The following EEPD1 variants were observed in gnomAD, a reference collection of about 807,000 sequenced individuals.
EEPD1 encodes endonuclease/exonuclease/phosphatase family domain containing 1.
EEPD1 carries 17 observed loss-of-function variants against 46.3 expected under a neutral mutation model. That is an observed-to-expected ratio of 0.37 (90% confidence interval 0.25 to 0.55). EEPD1 has a LOEUF of 0.55. EEPD1 is among the 20% of genes least tolerant of loss of function. EEPD1 has a pLI of 0.83. For missense variants in EEPD1, 673 were observed against 745.6 expected (o/e 0.90, Z 1.13); for synonymous variants, 313 against 315.6 (o/e 0.99, Z 0.09).
At chr7:36,288,467 G>A (rs536015489) in intron 6 of EEPD1, among the ~76,000 whole-genome samples, 5 of 152,254 alleles carry the variant, frequency 3.3e-5, no homozygotes, top group African/African-American at 1.2e-4. Context: ...ACACTGAAAA[G>A]AGCAGAATTC....
intron 2 of EEPD1, among the ~76,000 whole-genome samples, chr7:36,234,541 G>A (rs113987988): frequency 4.0e-5 from 6 of 151,884 alleles, no homozygotes; most frequent in East Asian, 1.9e-4. Flanking sequence ...GTGTGGTGGC[G>A]TGCGCCTGCA....
chr7:36,160,882 T>C (rs1784894012), intron 2 of EEPD1, among the ~76,000 whole-genome samples: 1 of 152,164 alleles, frequency 6.6e-6, no homozygotes, highest in Admixed American at 6.5e-5. Context: ...CTGAGGTTTC[T>C]ATGAGATAGG....
intron 3 of EEPD1, among the ~76,000 whole-genome samples, chr7:36,258,993 C>G (rs1281010191): frequency 1.3e-5 from 2 of 152,000 alleles, no homozygotes; most frequent in African/African-American, 4.8e-5. Flanking sequence ...AAGGGAATCT[C>G]CTGGTCTGTG....
chr7:36,280,147 G>A (rs371504801), intron 3 of EEPD1, among the ~76,000 whole-genome samples: 6 of 152,338 alleles, frequency 3.9e-5, no homozygotes, highest in South Asian at 4.1e-4. Context: ...ACCTGCTGCT[G>A]TGAGGGGCTA....
chr7:36,212,070 G>T (rs989495199), intron 2 of EEPD1, among the ~76,000 whole-genome samples: 2 of 152,102 alleles, frequency 1.3e-5, no homozygotes, highest in Non-Finnish European at 2.9e-5. Context: ...TAAAGGGAAG[G>T]TCATTTATAT....
rs1324187748 is a variant in EEPD1 at position 36,154,671 on chromosome 7, G to A, written c.347G>A (p.Arg116Gln). The change falls in exon 2 of 8, where the codon CGG (arginine) becomes CAG (glutamine). Residue 116 changes from arginine (R) to glutamine (Q), a missense_variant. By Grantham distance (43) the Arg-to-Gln change is conservative. Coordinates refer to ENST00000242108, the MANE Select transcript of EEPD1 (RefSeq NM_030636.3). This position sits in a 1 kb window ranked among gnomAD's most constrained non-coding sequence, Gnocchi z 4.2. ...CAGCACTCTCCCAGTTCCCTGCGGC[G>A]GGACCTGCTAGCGGAGCAGCAGCCT... ...SAQHSPSSLRRDLLAEQQPHH... is the reference protein window; with the variant it reads ...SAQHSPSSLRQDLLAEQQPHH... 3.7e-6 allele frequency: 6 copies of A among 1,613,530 alleles called. No individual in the cohort carries two copies. In the Admixed American group the frequency reaches 8.3e-5, roughly 22 times the overall value.
Position 36,239,047 on chromosome 7 carries a change from T to C in EEPD1, c.930+11T>C. The C allele has an allele frequency of 6.2e-7, 1 of 1,611,350 alleles. No homozygotes were observed. Among genetic ancestry groups the C allele is most frequent in the Non-Finnish European group, 8.5e-7 (1 of 1,179,416 alleles). ...GAGGCCTTGGAAAAGGTAAATATTTTACTCTTCCTTCCACATTCACAAACC... is the reference window on the plus strand; with the variant it reads ...GAGGCCTTGGAAAAGGTAAATATTTCACTCTTCCTTCCACATTCACAAACC... On this transcript the variant is annotated intron_variant, in intron 3 of 7. Transcript: ENST00000242108.
chr7:36,247,566 G>A (rs954340853), intron 3 of EEPD1, among the ~76,000 whole-genome samples: 1 of 152,190 alleles, frequency 6.6e-6, no homozygotes, highest in African/African-American at 2.4e-5. Context: ...AGAATCAAGG[G>A]AGACTTTTAA....
At chr7:36,270,342 A>T (rs1476450346) in intron 3 of EEPD1, among the ~76,000 whole-genome samples, 3 of 152,034 alleles carry the variant, frequency 2.0e-5, no homozygotes, top group Admixed American at 2.0e-4. Flanking sequence ...AAGTTCTGGG[A>T]TACATGTGCA....
intron 5 of EEPD1, among the ~76,000 whole-genome samples, chr7:36,287,236 C>CAA (rs377318198): frequency 0.12 from 5,130 of 42,188 alleles, 1,980 homozygotes; most frequent in Middle Eastern, 0.25. Context: ...GACTCCTTCT[C>CAA]AAAAAAAAAA....
chr7:36,300,442 A>C lies in EEPD1; in HGVS notation c.*1236A>C, dbSNP rs1392873417. On this transcript the variant is annotated 3_prime_UTR_variant, in exon 8 of 8. Coordinates refer to ENST00000242108, the MANE Select transcript of EEPD1 (RefSeq NM_030636.3). ...CACCACTGGGTAAATAGAGGGATGC[A>C]GACTCAGGTTTTGCTATGTGCTCAC... The C allele has an allele frequency of 1.3e-5, 2 of 152,286 alleles. No individual in the cohort carries two copies. Among genetic ancestry groups the C allele is most frequent in the African/African-American group, 4.8e-5 (2 of 41,472 alleles). The allele number at this position is 152,286 out of a possible 1,614,324, so 9.4% of individuals were successfully genotyped here. A position where few individuals can be genotyped will look rare whatever the true frequency, so the allele number is the denominator to read the frequency against.
chr7:36,182,830 A>G (rs76106745), intron 2 of EEPD1, among the ~76,000 whole-genome samples: 2,258 of 152,344 alleles, frequency 0.015, 65 homozygotes, highest in African/African-American at 0.051. Flanking sequence ...GCACCTGTGA[A>G]GTTAAATCCA....
chr7:36,246,654 A>G (rs563308222), intron 3 of EEPD1, among the ~76,000 whole-genome samples: 2 of 152,184 alleles, frequency 1.3e-5, no homozygotes, highest in South Asian at 2.1e-4. Context: ...CAAATTGTCT[A>G]GGAAAAGATG....
At chr7:36,289,685 G>A (rs927214366) in intron 6 of EEPD1, among the ~76,000 whole-genome samples, 5 of 152,138 alleles carry the variant, frequency 3.3e-5, no homozygotes, top group South Asian at 2.1e-4. Flanking sequence ...TAGTAGAGAC[G>A]GGGTTTCACC....
chr7:36,156,940 A>T (rs1203184010), intron 2 of EEPD1, among the ~76,000 whole-genome samples: 1 of 152,044 alleles, frequency 6.6e-6, no homozygotes, highest in Admixed American at 6.5e-5. Context: ...TGGGTTCCAC[A>T]TCCATGGATT....
At chr7:36,199,132 C>T (rs1785667081) in intron 2 of EEPD1, among the ~76,000 whole-genome samples, 4 of 152,172 alleles carry the variant, frequency 2.6e-5, no homozygotes, top group South Asian at 4.2e-4. Flanking sequence ...TTTTGCTTTC[C>T]GGGAAATCCA....
rs553075149 is a variant in EEPD1, at chr7:36,299,157, G to A, written c.1661G>A (p.Ser554Asn). ...WSKKDAPRNG[S>N]GVALERSEAN... The stretch of plus-strand genomic sequence containing the variant: ...AAGAAGGATGCCCCTCGGAACGGCA[G>A]CGGGGTGGCCTTGGAGCGAAGTGAA... Residue 554 changes from serine (S) to asparagine (N), a missense_variant, in exon 8 of 8, where the codon AGC becomes AAC. Physicochemically the swap from Ser to Asn is conservative, Grantham distance 46. Transcript: ENST00000242108. 7.1e-5 allele frequency: 115 copies of A among 1,614,238 alleles called. No homozygotes were observed. The South Asian group carries it at 1.2e-3, about 17-fold the overall frequency.
chr7:36,192,439 C>T (rs1220919652), intron 2 of EEPD1, among the ~76,000 whole-genome samples: 2 of 152,042 alleles, frequency 1.3e-5, no homozygotes. Context: ...GGGAAGACAC[C>T]TTTCTTTGTG....
intron 2 of EEPD1, among the ~76,000 whole-genome samples, chr7:36,236,350 T>C (rs1470145507): frequency 1.3e-5 from 2 of 152,140 alleles, no homozygotes; most frequent in African/African-American, 4.8e-5. Flanking sequence ...AGCGCGGGCT[T>C]GGCAAGCCCC....
Sources: allele counts gnomAD v4.1 joint callset (sites outside exome capture counted in the v4.1 genomes callset), GRCh38; gene constraint gnomAD v4.1.1; non-coding constraint Gnocchi (gnomAD v3.1); transcripts MANE v1.5; gene names NCBI Gene and HGNC (gene_info 2026-07-23, HGNC 2026-07-21).